TMC1: variants seen among roughly 807,000 people sequenced by gnomAD.
TMC1 encodes the protein transmembrane channel-like protein 1.
A neutral mutation model predicts 105.8 loss-of-function variants in TMC1; 84 were observed. The observed-to-expected ratio is 0.79, with a 90% CI of 0.67 to 0.95. The LOEUF is 0.95. Ranked by LOEUF, TMC1 falls within the 40% of genes least tolerant of loss-of-function variation. The pLI, the probability that TMC1 is intolerant of heterozygous loss-of-function variation, is 0.00. For missense variants in TMC1, 817 were observed against 914.1 expected (o/e 0.89, Z 1.37); for synonymous variants, 315 against 311.5 (o/e 1.01, Z -0.12).
chr9:72,665,697 T>C (rs919282064), intron 5 of TMC1, among the ~76,000 whole-genome samples: 3 of 152,214 alleles, frequency 2.0e-5, no homozygotes, highest in Non-Finnish European at 2.9e-5. Context: ...GGCATCACGA[T>C]ACCTTAGTTT....
At chr9:72,697,730 G>A (rs551242638) in intron 7 of TMC1, among the ~76,000 whole-genome samples, 1 of 152,142 alleles carries the variant, frequency 6.6e-6, no homozygotes, top group East Asian at 1.9e-4. Flanking sequence ...GTTCAGTAGT[G>A]TAAAGCTTTA....
intron 2 of TMC1, among the ~76,000 whole-genome samples, chr9:72,598,149 T>C (rs1824749129): frequency 6.6e-6 from 1 of 152,206 alleles, no homozygotes; most frequent in Admixed American, 6.5e-5. Flanking sequence ...CTATCATCTT[T>C]TGCTTTCTCC....
intron 1 of TMC1, among the ~76,000 whole-genome samples, chr9:72,556,857 G>T (rs1277478434): frequency 1.3e-5 from 2 of 151,504 alleles, no homozygotes; most frequent in Non-Finnish European, 2.9e-5. Flanking sequence ...AAAAAAATTG[G>T]TTCTTGAGCA....
At position 72,745,047 on chromosome 9, in the gene TMC1, T is replaced by C. The variant is rs187688829; in HGVS notation, c.535+2522T>C. On this transcript the variant is annotated intron_variant, in intron 10 of 23. Transcript: ENST00000297784. ...AATGTAGATTATTTTTCTTTCCATA[T>C]ATAATTTATGATTTGATTAGTTTGT... 1.1e-4 allele frequency among the ~76,000 whole-genome samples: 17 copies of C among 152,356 alleles called. No homozygotes were observed. The East Asian group carries it at 2.7e-3, about 24-fold the overall frequency.
chr9:72,802,026 G>T (rs1828481234), intron 17 of TMC1, among the ~76,000 whole-genome samples: 1 of 152,162 alleles, frequency 6.6e-6, no homozygotes. Context: ...TTCTAGACCT[G>T]GCAGTAGAAA....
rs377114555 is a variant in TMC1, at chr9:72,754,675, G to A, written c.643-111G>A. ...GGGACCCCACATGGAGACCCAAAGA[G>A]TCCCCATAAAAATGTTTCAGAAGGG... On this transcript the variant is annotated intron_variant, in intron 11 of 23. Coordinates refer to ENST00000297784, the MANE Select transcript of TMC1 (RefSeq NM_138691.3). 7 of 794,940 alleles carry A rather than the reference G, an allele frequency of 8.8e-6. No individual in the cohort carries two copies. In the African/African-American group the frequency reaches 1.0e-4, roughly 12 times the overall value. 49.2% of individuals were successfully genotyped at this position (794,940 alleles called of 1,614,324 possible).
At chr9:72,690,955 A>G (rs1239296935) in intron 6 of TMC1, among the ~76,000 whole-genome samples, 1 of 152,024 alleles carries the variant, frequency 6.6e-6, no homozygotes, top group African/African-American at 2.4e-5. Context: ...CCCATAGTGT[A>G]TATATTGGTC....
chr9:72,599,130 A>G (rs553838119), intron 2 of TMC1, among the ~76,000 whole-genome samples: 1 of 152,256 alleles, frequency 6.6e-6, no homozygotes, highest in African/African-American at 2.4e-5. Flanking sequence ...TCCTGGGTTC[A>G]AGCGATTCTC....
intron 5 of TMC1, among the ~76,000 whole-genome samples, chr9:72,666,347 A>T (rs1050124874): frequency 1.3e-5 from 2 of 152,112 alleles, no homozygotes; most frequent in Non-Finnish European, 2.9e-5. Flanking sequence ...GACCTTCTCT[A>T]AGGACACTGG....
chr9:72,716,208 G>A (rs1053658535), intron 8 of TMC1, among the ~76,000 whole-genome samples: 1 of 152,232 alleles, frequency 6.6e-6, no homozygotes, highest in Non-Finnish European at 1.5e-5. Context: ...CCCCTACTGG[G>A]AGGTGTTTCC....
At chr9:72,789,074 G>A in intron 14 of TMC1, 49 bp from the exon 15 acceptor site, 1 of 1,562,530 alleles carries the variant, frequency 6.4e-7, no homozygotes, top group South Asian at 1.1e-5. Context: ...ATGTAGCTAA[G>A]ATATTCTATT....
At chr9:72,561,234 C>T (rs1363230100) in intron 1 of TMC1, among the ~76,000 whole-genome samples, 9 of 141,340 alleles carry the variant, frequency 6.4e-5, no homozygotes, top group South Asian at 2.4e-4. Flanking sequence ...GGCAGAATGG[C>T]GTGAACCCGG....
intron 2 of TMC1, among the ~76,000 whole-genome samples, chr9:72,606,271 A>G (rs1824911037): frequency 6.6e-6 from 1 of 152,200 alleles, no homozygotes; most frequent in Non-Finnish European, 1.5e-5. Flanking sequence ...CAGATTACCT[A>G]ATGACATAGC....
intron 13 of TMC1, among the ~76,000 whole-genome samples, chr9:72,773,366 G>C (rs559003021): frequency 2.0e-5 from 3 of 152,118 alleles, no homozygotes; most frequent in African/African-American, 7.2e-5. Flanking sequence ...CCCTCAGCCT[G>C]AGGGTCTAAG....
At chr9:72,796,241 C>T (rs1828365455) in intron 17 of TMC1, among the ~76,000 whole-genome samples, 2 of 152,032 alleles carry the variant, frequency 1.3e-5, no homozygotes, top group African/African-American at 2.4e-5. Context: ...TACCACCACC[C>T]AATAATAGCC....
intron 3 of TMC1, among the ~76,000 whole-genome samples, chr9:72,620,607 G>A (rs1320923826): frequency 3.3e-5 from 5 of 152,044 alleles, no homozygotes; most frequent in African/African-American, 7.2e-5. Flanking sequence ...GCAAAATTTC[G>A]TACTTATCTC....
chr9:72,825,798 A>C (rs1182569687), intron 20 of TMC1, among the ~76,000 whole-genome samples: 2 of 152,136 alleles, frequency 1.3e-5, no homozygotes, highest in African/African-American at 4.8e-5. Context: ...TGTAAGCTTC[A>C]TTCCCTCTTA....
chr9:72,795,227 T>C (rs1176010680), intron 17 of TMC1, among the ~76,000 whole-genome samples: 2 of 152,202 alleles, frequency 1.3e-5, no homozygotes, highest in Non-Finnish European at 2.9e-5. Flanking sequence ...CCATGAAAAC[T>C]TCCCCAACCT....
At chr9:72,747,587 GTTGT>G (rs548276189) in intron 10 of TMC1, among the ~76,000 whole-genome samples, 152 of 152,054 alleles carry the variant, frequency 1.0e-3, no homozygotes, top group Middle Eastern at 3.4e-3. Context: ...GGTTGTTGTT[GTTGT>G]TTGTTTGTTT....
Sources: gnomAD v4.1 joint callset for allele counts (sites outside exome capture counted in the v4.1 genomes callset) on GRCh38, gnomAD v4.1.1 for gene constraint, MANE v1.5 for transcripts, NCBI Gene and HGNC (gene_info 2026-07-23, HGNC 2026-07-21) for gene names.